ZDHHC15: variants seen among roughly 807,000 people sequenced by gnomAD.
ZDHHC15 encodes zDHHC palmitoyltransferase 15, also known as palmitoyltransferase ZDHHC15.
In ZDHHC15, 19 loss-of-function variants were observed where a neutral mutation model predicts 31.7. The observed-to-expected ratio is 0.60, with a 90% CI of 0.42 to 0.88. The LOEUF is 0.88. Among genes scored for constraint, ZDHHC15 ranks in the 40% least tolerant of loss-of-function variants. The pLI is 0.00. For missense variants in ZDHHC15, 209 were observed against 251.2 expected, an observed-to-expected ratio of 0.83 and a Z score of 1.14; for synonymous variants, 103 against 90.0, an observed-to-expected ratio of 1.14 and a Z score of -0.82.
chrX:75,393,972 C>A (rs1418096382), intron 10 of ZDHHC15, among the ~76,000 whole-genome samples: 1 of 110,732 alleles, frequency 9.0e-6, no homozygotes, highest in African/African-American at 3.3e-5. Flanking sequence ...TTTTTGCCTG[C>A]TTATATTCTA....
intron 4 of ZDHHC15, among the ~76,000 whole-genome samples, chrX:75,441,662 C>T (rs1250171064): frequency 2.0e-4 from 20 of 101,825 alleles, no homozygotes; most frequent in East Asian, 3.1e-4. Flanking sequence ...CTCGCTCTGT[C>T]GCCCAGGCTG....
intron 8 of ZDHHC15, among the ~76,000 whole-genome samples, chrX:75,422,475 C>T (rs1284544594): frequency 8.9e-6 from 1 of 111,801 alleles, no homozygotes; most frequent in Non-Finnish European, 1.9e-5. Context: ...ATGCTGAAGC[C>T]TGCAGTGTAA....
intron 3 of ZDHHC15, among the ~76,000 whole-genome samples, chrX:75,462,148 G>A (rs1234374699): frequency 1.8e-5 from 2 of 111,517 alleles, no homozygotes; most frequent in African/African-American, 6.5e-5. Flanking sequence ...TAACAAAACT[G>A]ACTTTAAACC....
intron 10 of ZDHHC15, among the ~76,000 whole-genome samples, chrX:75,379,449 C>T (rs2083092331): frequency 8.9e-6 from 1 of 112,120 alleles, no homozygotes; most frequent in Admixed American, 9.5e-5. Flanking sequence ...TGGTATTTGA[C>T]TTAAATAGCT....
intron 10 of ZDHHC15, chrX:75,384,477 A>T: frequency 1.3e-6 from 1 of 744,295 alleles, no homozygotes; most frequent in Admixed American, 2.2e-5. Context: ...ACATCAAGGG[A>T]ATGGGTACTG....
At chrX:75,412,696 G>A (rs781445634) in intron 10 of ZDHHC15, among the ~76,000 whole-genome samples, 7 of 111,869 alleles carry the variant, frequency 6.3e-5, no homozygotes, top group Non-Finnish European at 1.9e-5. Context: ...CTCCCAAAGT[G>A]CTGGGATTAC....
At chrX:75,408,141 C>A (rs2083441564) in intron 10 of ZDHHC15, among the ~76,000 whole-genome samples, 1 of 109,919 alleles carries the variant, frequency 9.1e-6, no homozygotes, top group African/African-American at 3.3e-5. Context: ...TGCTGACCTT[C>A]CCTCCACTAT....
chrX:75,377,869 A>T (rs1161222363), intron 11 of ZDHHC15, among the ~76,000 whole-genome samples: 1 of 111,750 alleles, frequency 8.9e-6, no homozygotes, highest in African/African-American at 3.2e-5. Flanking sequence ...GGTTTTATAA[A>T]TTTATTTACC....
At chrX:75,407,366 C>A (rs1437071958) in intron 10 of ZDHHC15, among the ~76,000 whole-genome samples, 3 of 111,236 alleles carry the variant, frequency 2.7e-5, no homozygotes, top group Admixed American at 1.9e-4. Context: ...AGGAGTGTCT[C>A]CACCTGGCAG....
At chrX:75,476,413 T>G (rs924776299) in intron 3 of ZDHHC15, among the ~76,000 whole-genome samples, 2 of 111,347 alleles carry the variant, frequency 1.8e-5, no homozygotes, top group African/African-American at 6.5e-5. Flanking sequence ...TCAGATTTTT[T>G]ATTTCTTCTT....
At chrX:75,459,010 A>C (rs1295972847) in intron 3 of ZDHHC15, among the ~76,000 whole-genome samples, 2 of 93,934 alleles carry the variant, frequency 2.1e-5, no homozygotes, top group African/African-American at 3.5e-5. Flanking sequence ...AAAAAAAAAA[A>C]ACAACCCCCA....
intron 4 of ZDHHC15, among the ~76,000 whole-genome samples, chrX:75,431,748 T>C (rs772915907): frequency 9.0e-6 from 1 of 111,086 alleles, no homozygotes; most frequent in Non-Finnish European, 1.9e-5. Context: ...ACGAGAAAAG[T>C]TTCTTATCTG....
chrX:75,477,380 G>A (rs1242053110), intron 3 of ZDHHC15, among the ~76,000 whole-genome samples: 2 of 111,605 alleles, frequency 1.8e-5, no homozygotes, highest in African/African-American at 6.5e-5. Flanking sequence ...CTGGTTTGGT[G>A]TTGTTCAAAT....
chrX:75,455,048 C>A (rs1392781112), intron 3 of ZDHHC15, among the ~76,000 whole-genome samples: 1 of 111,452 alleles, frequency 9.0e-6, no homozygotes, highest in Non-Finnish European at 1.9e-5. Context: ...AAAAAAGAGC[C>A]CGAATTGCCA....
chrX:75,480,057 T>C (rs1284460867), intron 2 of ZDHHC15, among the ~76,000 whole-genome samples: 1 of 111,143 alleles, frequency 9.0e-6, no homozygotes, highest in Non-Finnish European at 1.9e-5. Flanking sequence ...TGGTATGGTC[T>C]TATTACTTCA....
chrX:75,436,393 C>G (rs1157065968), intron 4 of ZDHHC15, among the ~76,000 whole-genome samples: 1 of 110,906 alleles, frequency 9.0e-6, no homozygotes, highest in Non-Finnish European at 1.9e-5. Context: ...TTGGTTTGTT[C>G]TTGTTTCTTT....
At chrX:75,500,080 T>C (rs923464551) in intron 2 of ZDHHC15, among the ~76,000 whole-genome samples, 4 of 110,900 alleles carry the variant, frequency 3.6e-5, no homozygotes, top group African/African-American at 1.3e-4. Flanking sequence ...AGCTAAGTTA[T>C]GAGGATGCAA....
At chrX:75,383,746 T>TG (rs1256249066) in intron 10 of ZDHHC15, among the ~76,000 whole-genome samples, 1 of 89,990 alleles carries the variant, frequency 1.1e-5, no homozygotes, top group Non-Finnish European at 2.2e-5. Context: ...TTTTTTTTTT[T>TG]TTTTTTTTTT....
intron 4 of ZDHHC15, among the ~76,000 whole-genome samples, chrX:75,433,971 C>T (rs946939935): frequency 6.3e-5 from 7 of 110,825 alleles, no homozygotes; most frequent in African/African-American, 2.3e-4. Context: ...AGTGTAAAAG[C>T]GTTCCCTTTT....
Sources: allele counts gnomAD v4.1 joint callset (sites outside exome capture counted in the v4.1 genomes callset), GRCh38; gene constraint gnomAD v4.1.1; transcripts MANE v1.5; gene names NCBI Gene and HGNC (gene_info 2026-07-23, HGNC 2026-07-21).